Variants in NALCN observed in about 807,000 individuals in gnomAD.
The protein encoded by NALCN is sodium leak channel, non-selective.
In NALCN, 111 loss-of-function variants were observed where a neutral mutation model predicts 225.3. The ratio of observed to expected loss-of-function variants is 0.49; its 90% CI spans 0.42 to 0.58. The LOEUF is 0.58. NALCN is among the 20% of genes least tolerant of loss of function. NALCN has a pLI of 0.00. For missense variants in NALCN, 1,378 were observed against 2,202.4 expected, an observed-to-expected ratio of 0.63 and a Z score of 7.49; for synonymous variants, 764 against 769.0, an observed-to-expected ratio of 0.99 and a Z score of 0.11.
intron 10 of NALCN, among the ~76,000 whole-genome samples, chr13:101,281,187 A>C (rs1400820051): frequency 6.6e-6 from 1 of 152,146 alleles, no homozygotes; most frequent in African/African-American, 2.4e-5. Flanking sequence ...TTATGCACTA[A>C]AACCTTCCCT....
chr13:101,132,439 A>C (rs1369349879), intron 17 of NALCN, among the ~76,000 whole-genome samples: 1 of 152,158 alleles, frequency 6.6e-6, no homozygotes, highest in Non-Finnish European at 1.5e-5. Context: ...GTGTTCTTGA[A>C]TTAGAATGTT....
At chr13:101,315,354 A>C (rs2044516831) in intron 7 of NALCN, among the ~76,000 whole-genome samples, 1 of 152,184 alleles carries the variant, frequency 6.6e-6, no homozygotes, top group Middle Eastern at 3.2e-3. Flanking sequence ...TTTCCTTCTT[A>C]AAATATTTAT....
At chr13:101,306,112 C>T (rs940291384) in intron 7 of NALCN, among the ~76,000 whole-genome samples, 2 of 152,114 alleles carry the variant, frequency 1.3e-5, no homozygotes, top group Non-Finnish European at 1.5e-5. Flanking sequence ...AGGGGACTAT[C>T]CAGATTAATT....
chr13:101,106,297 A>G (rs1189771359), intron 22 of NALCN, among the ~76,000 whole-genome samples: 1 of 152,126 alleles, frequency 6.6e-6, no homozygotes, highest in African/African-American at 2.4e-5. Context: ...TCACATTCTG[A>G]GGTTCTGAGG....
rs147302183 is a variant in NALCN, at chr13:101,207,963, C to T, written c.1627-15909G>A. ...GAAGCCAGCGAGACCACGAACCCACCGGAAGGAATGAACAACTCCAGAGGC... is the reference window on the plus strand; with the variant it reads ...GAAGCCAGCGAGACCACGAACCCACTGGAAGGAATGAACAACTCCAGAGGC... On this transcript the variant is annotated intron_variant, in intron 13 of 43. Transcript: ENST00000251127. Among the ~76,000 whole-genome samples the T allele has an allele frequency of 3.6e-3, 547 of 152,228 alleles. 5 individuals are homozygous for T. The highest frequency in any genetic ancestry group is 0.012 in the African/African-American group (481 of 41,544).
intron 10 of NALCN, among the ~76,000 whole-genome samples, chr13:101,263,527 T>C (rs2140232749): frequency 6.6e-6 from 1 of 152,348 alleles, no homozygotes; most frequent in South Asian, 2.1e-4. Context: ...TGTGGATTTA[T>C]GTCTTAAGTA....
At chr13:101,133,315 G>A (rs944454019) in intron 17 of NALCN, among the ~76,000 whole-genome samples, 69 of 152,192 alleles carry the variant, frequency 4.5e-4, no homozygotes, top group African/African-American at 1.5e-3. Context: ...GTTTCTAACT[G>A]GGAAAAAGTT....
rs10622707 is a variant in NALCN at position 101,259,751 on chromosome 13, T to TATATATATATACAC, written c.1135-1178_1135-1177insGTGTATATATATAT. On this transcript the variant is annotated intron_variant, in intron 10 of 43. Transcript: ENST00000251127. ...GTAAGTGTATATATATATATATATA[T>TATATATATATACAC]ACACACACACATAAATATATATATA... 4.5e-5 allele frequency among the ~76,000 whole-genome samples: 6 copies of TATATATATATACAC among 131,952 alleles called. No individual in the cohort carries two copies. In the East Asian group the frequency reaches 1.1e-3, roughly 24 times the overall value. The allele number at this position is 131,952 out of a possible 152,430, so 86.6% of individuals were successfully genotyped here. A position where few individuals can be genotyped will look rare whatever the true frequency, so the allele number is the denominator to read the frequency against.
intron 10 of NALCN, among the ~76,000 whole-genome samples, chr13:101,267,320 A>G (rs913984824): frequency 9.2e-5 from 14 of 152,208 alleles, no homozygotes; most frequent in Admixed American, 2.6e-4. Context: ...AGGAAAAAGC[A>G]CCAGTAATGG....
At chr13:101,187,263 T>C (rs115819807) in intron 14 of NALCN, among the ~76,000 whole-genome samples, 1,663 of 152,334 alleles carry the variant, frequency 0.011, 31 homozygotes, top group African/African-American at 0.038. Context: ...AATTAAACTT[T>C]ATCAAAGTTA....
chr13:101,065,684 G>T (rs2032323551), intron 39 of NALCN, 123 bp from the exon 40 acceptor site: 1 of 1,214,504 alleles, frequency 8.2e-7, no homozygotes, highest in African/African-American at 1.5e-5. Flanking sequence ...CAGATGTGAA[G>T]AAAGCTGGTC....
intron 13 of NALCN, among the ~76,000 whole-genome samples, chr13:101,216,365 T>A (rs2040731314): frequency 6.6e-6 from 1 of 152,072 alleles, no homozygotes; most frequent in African/African-American, 2.4e-5. Context: ...TAAAGAAATT[T>A]ATTAACAAAA....
chr13:101,094,619 C>G (rs9518303), intron 28 of NALCN, among the ~76,000 whole-genome samples: 9,693 of 152,110 alleles, frequency 0.064, 340 homozygotes, highest in South Asian at 0.11. Flanking sequence ...ACATTCCTCT[C>G]TCTCCAAGCT....
At chr13:101,067,310 AGAGGAGGGGGAAGAG>A (rs1417885366) in intron 39 of NALCN, among the ~76,000 whole-genome samples, 8 of 32,370 alleles carry the variant, frequency 2.5e-4, no homozygotes, top group Non-Finnish European at 3.5e-4. Flanking sequence ...AGGAGGGGGA[AGAGGAGGGGGAAGAG>A]GAGGGGGAAG....
intron 37 of NALCN, among the ~76,000 whole-genome samples, chr13:101,069,885 G>A (rs1040320931): frequency 1.3e-5 from 2 of 152,016 alleles, no homozygotes; most frequent in Non-Finnish European, 2.9e-5. Context: ...ATTCAGTCGC[G>A]TCTTCAGGTT....
chr13:101,370,285 A>G (rs1313825481), intron 6 of NALCN, among the ~76,000 whole-genome samples: 5 of 152,236 alleles, frequency 3.3e-5, no homozygotes, highest in Admixed American at 3.3e-4. Flanking sequence ...TTCCACTACA[A>G]ACAAATAGAT....
At chr13:101,403,297 A>G (rs923832927) in intron 1 of NALCN, among the ~76,000 whole-genome samples, 2 of 152,160 alleles carry the variant, frequency 1.3e-5, no homozygotes, top group Non-Finnish European at 2.9e-5. Context: ...TGTTTCCAGG[A>G]CCCTGAGTCC....
chr13:101,335,918 CTGAT>C (rs1165091404), intron 7 of NALCN, among the ~76,000 whole-genome samples: 1 of 152,026 alleles, frequency 6.6e-6, no homozygotes, highest in Non-Finnish European at 1.5e-5. Flanking sequence ...TCATTTAACT[CTGAT>C]GAATCAATTT....
chr13:101,054,716 T>C lies in NALCN; in HGVS notation c.*579A>G, dbSNP rs902617618. 1 of 152,232 alleles carries C rather than the reference T, an allele frequency of 6.6e-6. No homozygotes were observed. The highest frequency in any genetic ancestry group is 2.4e-5 in the African/African-American group (1 of 41,452). The allele number at this position is 152,232 out of a possible 1,614,324, so 9.4% of individuals were successfully genotyped here. On this transcript the variant is annotated 3_prime_UTR_variant, in exon 44 of 44. Transcript: ENST00000251127. ...ATCAACTTGTTCTGGTCACCAAATG[T>C]CTTGTGTATATTTAAAAATATAACA...
Sources: gnomAD v4.1 joint callset for allele counts (sites outside exome capture counted in the v4.1 genomes callset) on GRCh38, gnomAD v4.1.1 for gene constraint, MANE v1.5 for transcripts, NCBI Gene and HGNC (gene_info 2026-07-23, HGNC 2026-07-21) for gene names.